Variants in PDE1A observed in about 807,000 individuals in gnomAD.
The protein encoded by PDE1A is dual specificity calcium/calmodulin-dependent 3',5'-cyclic nucleotide phosphodiesterase 1A.
Under a neutral mutation model 61.7 loss-of-function variants are expected in PDE1A, and 35 were observed. The observed-to-expected ratio is 0.57, with a 90% confidence interval of 0.43 to 0.75. The LOEUF (loss-of-function observed/expected upper bound fraction) is 0.75, where lower values mean the gene tolerates loss of function less well. Among genes scored for constraint, PDE1A ranks in the 30% least tolerant of loss-of-function variants. The probability of loss-of-function intolerance (pLI) is 0.00; values close to 1 mark genes in which losing one functional copy is unlikely to be tolerated. For synonymous variants in PDE1A, 232 were observed against 213.2 expected (o/e 1.09, Z -0.77); for missense variants, 597 against 630.6 (o/e 0.95, Z 0.57).
At chr2:182,609,868 A>G in the PDE1A span, among the ~76,000 whole-genome samples, 1 of 152,180 alleles carries the variant, frequency 6.6e-6, no homozygotes, top group African/African-American at 2.4e-5. Flanking sequence ...CAGGTGGATC[A>G]TCTGTGGTCA....
chr2:182,563,059 G>A, the PDE1A span, among the ~76,000 whole-genome samples: 2 of 152,170 alleles, frequency 1.3e-5, no homozygotes, highest in East Asian at 3.9e-4. Flanking sequence ...ATTTCCTTCA[G>A]TTCTGCTCTG....
At chr2:182,636,695 T>C in the PDE1A span, among the ~76,000 whole-genome samples, 1 of 152,320 alleles carries the variant, frequency 6.6e-6, no homozygotes, top group African/African-American at 2.4e-5. Flanking sequence ...AAATTGATTA[T>C]CTCACAGTTC....
At chr2:182,657,217 G>T in the PDE1A span, among the ~76,000 whole-genome samples, 1 of 151,940 alleles carries the variant, frequency 6.6e-6, no homozygotes, top group Non-Finnish European at 1.5e-5. Context: ...TCGAGACTCC[G>T]TCTCAAAAAA....
intron 2 of PDE1A, among the ~76,000 whole-genome samples, chr2:182,477,353 A>G (rs1687431024): frequency 6.6e-6 from 1 of 151,950 alleles, no homozygotes; most frequent in Admixed American, 6.6e-5. Context: ...TTAATTGACT[A>G]TTTACTGGGA....
chr2:182,192,229 T>C (rs1030538270), intron 10 of PDE1A, among the ~76,000 whole-genome samples: 1 of 152,122 alleles, frequency 6.6e-6, no homozygotes, highest in African/African-American at 2.4e-5. Flanking sequence ...ATTTGACAGA[T>C]ATATGCAGGG....
chr2:182,379,576 A>G (rs1467616494), intron 1 of PDE1A, among the ~76,000 whole-genome samples: 1 of 152,220 alleles, frequency 6.6e-6, no homozygotes, highest in African/African-American at 2.4e-5. Context: ...CTCAAAGGCA[A>G]GGATTTTGAA....
At chr2:182,513,327 GA>G (rs1208409625) in intron 2 of PDE1A, among the ~76,000 whole-genome samples, 1 of 152,110 alleles carries the variant, frequency 6.6e-6, no homozygotes, top group African/African-American at 2.4e-5. Context: ...TTCCAACCAA[GA>G]ATTTCATATC....
intron 2 of PDE1A, among the ~76,000 whole-genome samples, chr2:182,433,618 A>G (rs1464496729): frequency 6.6e-6 from 1 of 152,110 alleles, no homozygotes; most frequent in Non-Finnish European, 1.5e-5. Flanking sequence ...GCCCACACCC[A>G]TGCTTCTGGT....
intron 10 of PDE1A, among the ~76,000 whole-genome samples, chr2:182,192,974 GT>G (rs1438437007): frequency 6.6e-6 from 1 of 151,936 alleles, no homozygotes. Flanking sequence ...AATTTCTATA[GT>G]TTTGCTTTGT....
intron 1 of PDE1A, among the ~76,000 whole-genome samples, chr2:182,399,158 A>G (rs1452130731): frequency 2.0e-5 from 3 of 151,820 alleles, no homozygotes; most frequent in African/African-American, 7.2e-5. Context: ...ATTTTGGAGG[A>G]CTATGTTTAT....
chr2:182,149,369 AT>A (rs1214736675), intron 13 of PDE1A, among the ~76,000 whole-genome samples: 3 of 152,248 alleles, frequency 2.0e-5, no homozygotes, highest in Non-Finnish European at 4.4e-5. Context: ...ATTATAAAAA[AT>A]AACAAATCCC....
intron 1 of PDE1A, among the ~76,000 whole-genome samples, chr2:182,292,608 T>A (rs1343708431): frequency 6.6e-6 from 1 of 152,048 alleles, no homozygotes; most frequent in East Asian, 1.9e-4. Flanking sequence ...TATTTCTGAA[T>A]AATAGTACAA....
At chr2:182,527,675 T>G (rs1203080193), upstream of PDE1A, among the ~76,000 whole-genome samples, 1 of 152,080 alleles carries the variant, frequency 6.6e-6, no homozygotes, top group Admixed American at 6.5e-5. Flanking sequence ...AAGTTCCTAA[T>G]GTACATGTCT....
intron 4 of PDE1A, 42 bp from the exon 5 acceptor site, chr2:182,231,173 C>G: frequency 1.0e-6 from 1 of 966,400 alleles, no homozygotes; most frequent in Non-Finnish European, 1.6e-6. Flanking sequence ...CAATATCATA[C>G]TGTTTCTACG....
At chr2:182,567,036 C>G in the PDE1A span, among the ~76,000 whole-genome samples, 1 of 152,122 alleles carries the variant, frequency 6.6e-6, no homozygotes, top group Non-Finnish European at 1.5e-5. Flanking sequence ...ATAAGTCTAG[C>G]TTGATTAGTT....
rs578112569 is a variant in PDE1A, at chr2:182,148,044, C to T, written c.1517-892G>A. Among the ~76,000 whole-genome samples, 6 of 152,228 alleles carry T rather than the reference C, an allele frequency of 3.9e-5. No individual in the cohort carries two copies. The South Asian group carries it at 8.3e-4, about 21-fold the overall frequency. On this transcript the variant is annotated intron_variant, in intron 13 of 13. Transcript: ENST00000409365. ...CTATTACAAAACAATTTTGTCTTTA[C>T]GATATGGAGGGTTGGGACTTATCTT...
At chr2:182,480,870 G>A (rs950170732) in intron 2 of PDE1A, among the ~76,000 whole-genome samples, 2 of 151,874 alleles carry the variant, frequency 1.3e-5, no homozygotes, top group African/African-American at 2.4e-5. Context: ...TGCATTCATG[G>A]AAGGGATATT....
intron 1 of PDE1A, among the ~76,000 whole-genome samples, chr2:182,290,143 G>A (rs545863397): frequency 6.6e-6 from 1 of 152,052 alleles, no homozygotes; most frequent in Non-Finnish European, 1.5e-5. Context: ...CTCAGTGATT[G>A]AGATCATCAA....
the PDE1A span, among the ~76,000 whole-genome samples, chr2:182,586,942 T>G: frequency 6.6e-6 from 1 of 151,998 alleles, no homozygotes; most frequent in Non-Finnish European, 1.5e-5. Flanking sequence ...TATGAAGAGA[T>G]AAAAACAAAG....
Sources: gnomAD v4.1 joint callset for allele counts (sites outside exome capture counted in the v4.1 genomes callset) on GRCh38, gnomAD v4.1.1 for gene constraint, MANE v1.5 for transcripts, NCBI Gene and HGNC (gene_info 2026-07-23, HGNC 2026-07-21) for gene names.